The following STARD9 variants were observed in gnomAD, a reference collection of about 807,000 sequenced individuals.
The protein encoded by STARD9 is StAR related lipid transfer domain containing 9.
Under a neutral mutation model 399.8 loss-of-function variants are expected in STARD9, and 346 were observed. That is an observed-to-expected ratio of 0.87 (90% CI 0.79 to 0.95). The LOEUF (loss-of-function observed/expected upper bound fraction) is 0.95. STARD9 is among the 40% of genes least tolerant of loss of function. STARD9 has a pLI of 0.00. For synonymous variants in STARD9, 2,203 were observed against 2,143.5 expected, an observed-to-expected ratio of 1.03 and a Z score of -0.77; for missense variants, 5,832 against 5,667.5, an observed-to-expected ratio of 1.03 and a Z score of -0.93.
chr15:42,588,112 G>C (rs1034460934), intron 3 of STARD9, among the ~76,000 whole-genome samples: 1 of 152,130 alleles, frequency 6.6e-6, no homozygotes, highest in Non-Finnish European at 1.5e-5. Flanking sequence ...CATGGCATAC[G>C]TGTGGCTGTT....
chr15:42,716,303 C>A (rs1004823957), intron 26 of STARD9, among the ~76,000 whole-genome samples: 10 of 152,162 alleles, frequency 6.6e-5, no homozygotes, highest in African/African-American at 2.4e-4. Context: ...CCCCGTTAAA[C>A]CCCCTCTAGC....
In STARD9 at chr15:42,692,668, GTC is replaced by G; in HGVS notation, c.11095_11096del (p.Ser3699ProfsTer18). On this transcript the variant is annotated frameshift_variant, in exon 23 of 33. Transcript: ENST00000290607. LOFTEE classifies it high-confidence loss of function. ...CACAGTACCTCAGAGCTGCTTGGGA[GTC>G]TCTCCCAGCCAGATGTGGCCAGAAG... is the stretch of plus-strand genomic sequence containing the variant. The G allele has an allele frequency of 6.5e-7, 1 of 1,537,206 alleles. No individual in the cohort carries two copies. The highest frequency in any genetic ancestry group is 8.7e-7 in the Non-Finnish European group (1 of 1,146,926).
Position 42,692,141 on chromosome 15 carries a change from G to C in STARD9, c.10563G>C (p.Gln3521His). The stretch of plus-strand genomic sequence containing the variant: ...GCATGGACAATGGCCTAGAAGACCA[G>C]AACTCCCCTTTCCACTCCCACCTCA... Reference protein sequence around the residue: ...CSSMDNGLEDQNSPFHSHLST... With the variant: ...CSSMDNGLEDHNSPFHSHLST... The change falls in exon 23 of 33, where the codon CAG (glutamine) becomes CAC (histidine). Residue 3521 changes from glutamine to histidine, a missense_variant. Physicochemically the swap from Gln to His is conservative, Grantham distance 24. Transcript: ENST00000290607. The C allele has an allele frequency of 2.0e-6, 3 of 1,537,126 alleles. No individual in the cohort carries two copies. The highest frequency in any genetic ancestry group is 2.6e-6 in the Non-Finnish European group (3 of 1,146,884).
chr15:42,599,826 A>C (rs572350405), intron 3 of STARD9, among the ~76,000 whole-genome samples: 1 of 152,242 alleles, frequency 6.6e-6, no homozygotes, highest in Admixed American at 6.5e-5. Context: ...CTGCCCTCAA[A>C]AAGCTTACAG....
intron 9 of STARD9, among the ~76,000 whole-genome samples, chr15:42,653,654 A>G (rs2141999211): frequency 6.6e-6 from 1 of 152,214 alleles, no homozygotes; most frequent in South Asian, 2.1e-4. Context: ...ACATTCCCAG[A>G]TTGGAAAAAT....
chr15:42,607,651 T>TACACACACACACACACACACAC (rs10655556), intron 3 of STARD9, among the ~76,000 whole-genome samples: 1 of 143,668 alleles, frequency 7.0e-6, no homozygotes, highest in African/African-American at 2.6e-5. Flanking sequence ...CACACACTTA[T>TACACACACACACACACACACAC]ACACACACAC....
Position 42,687,833 on chromosome 15 carries a change from G to A in STARD9, c.6255G>A (p.Val2085=). The A allele has an allele frequency of 1.3e-6, 2 of 1,537,414 alleles. No homozygotes were observed. Among genetic ancestry groups the A allele is most frequent in the Non-Finnish European group, 1.7e-6 (2 of 1,146,982 alleles). ...SHTPGTDKEL[V]FQDQKEQEKT... ...CACCAGGAACCGATAAGGAGTTGGT[G>A]TTCCAGGACCAGAAGGAGCAGGAGA... is the stretch of plus-strand genomic sequence containing the variant. The change falls in exon 23 of 33, where the codon GTG becomes GTA. Residue 2085 remains valine, a synonymous_variant. Coordinates refer to ENST00000290607, the MANE Select transcript of STARD9 (RefSeq NM_020759.3).
intron 3 of STARD9, among the ~76,000 whole-genome samples, chr15:42,627,655 A>G (rs941044465): frequency 1.3e-5 from 2 of 152,132 alleles, no homozygotes; most frequent in Admixed American, 1.3e-4. Context: ...CATGAGTTCA[A>G]GTGTTTTAAT....
At chr15:42,617,778 G>A (rs551175198) in intron 3 of STARD9, among the ~76,000 whole-genome samples, 6 of 152,058 alleles carry the variant, frequency 3.9e-5, no homozygotes, top group African/African-American at 1.2e-4. Context: ...TCTAGAGACA[G>A]GGTCTTGCTC....
intron 3 of STARD9, among the ~76,000 whole-genome samples, chr15:42,595,025 C>T (rs962440923): frequency 6.6e-6 from 1 of 152,132 alleles, no homozygotes; most frequent in Non-Finnish European, 1.5e-5. Flanking sequence ...TCAGAAAGTA[C>T]GCAGGATGAG....
At chr15:42,638,376 G>A (rs191375699) in intron 6 of STARD9, among the ~76,000 whole-genome samples, 2 of 152,244 alleles carry the variant, frequency 1.3e-5, no homozygotes, top group Admixed American at 6.5e-5. Context: ...GAGCTCAACG[G>A]TCATGTTTGA....
chr15:42,635,057 T>C, intron 4 of STARD9, 85 bp downstream of exon 4: 1 of 632,924 alleles, frequency 1.6e-6, no homozygotes, highest in South Asian at 2.8e-5. Flanking sequence ...CAGAATATGA[T>C]TTCTGTAGGC....
Position 42,688,061 on chromosome 15 carries a change from T to A in STARD9, c.6483T>A (p.Ser2161Arg). 2.0e-6 allele frequency: 3 copies of A among 1,536,962 alleles called. No individual in the cohort carries two copies. Among genetic ancestry groups the A allele is most frequent in the South Asian group, 2.4e-5 (2 of 84,022 alleles). Residue 2161 changes from serine (S) to arginine (R), a missense_variant, in exon 23 of 33, where the codon AGT (serine) becomes AGA (arginine). Coordinates refer to ENST00000290607, the MANE Select transcript of STARD9 (RefSeq NM_020759.3). ...GGTCAAGGGAAGGTGTACGAGAGAG[T>A]GAACCTGTGAGAGAGCACACCCACC... is the stretch of plus-strand genomic sequence containing the variant. ...PFRSREGVRE[S>R]EPVREHTHPA...
At chr15:42,602,955 G>T (rs1410914531) in intron 3 of STARD9, among the ~76,000 whole-genome samples, 1 of 152,150 alleles carries the variant, frequency 6.6e-6, no homozygotes, top group Non-Finnish European at 1.5e-5. Flanking sequence ...TAGGTTCCCT[G>T]CCTCTAGACC....
chr15:42,610,305 T>C (rs2058822152), intron 3 of STARD9, among the ~76,000 whole-genome samples: 1 of 152,134 alleles, frequency 6.6e-6, no homozygotes, highest in Non-Finnish European at 1.5e-5. Context: ...AGTGGGTTAT[T>C]AGCAGAAATA....
At chr15:42,652,391 A>C (rs1230812579) in intron 8 of STARD9, 129 bp from the exon 9 acceptor site, 1 of 771,098 alleles carries the variant, frequency 1.3e-6, no homozygotes, top group Non-Finnish European at 2.2e-6. Context: ...ATACTGGACT[A>C]AATATGTGTG....
rs114539185 is a variant in STARD9 at position 42,621,954 on chromosome 15, T to G, written c.235-12902T>G. On this transcript the variant is annotated intron_variant, in intron 3 of 32. Coordinates refer to ENST00000290607, the MANE Select transcript of STARD9 (RefSeq NM_020759.3). ...ATTTGCATATACATTTTCATATATA[T>G]ACACATACATTTATCTATTTCTTTT... 8.5e-3 allele frequency among the ~76,000 whole-genome samples: 1,288 copies of G among 152,352 alleles called. 21 individuals are homozygous for G. The highest frequency in any genetic ancestry group is 0.03 in the African/African-American group (1,234 of 41,582).
chr15:42,717,853 T>G, intron 29 of STARD9, 58 bp downstream of exon 29: 1 of 1,517,140 alleles, frequency 6.6e-7, no homozygotes, highest in Non-Finnish European at 8.9e-7. Flanking sequence ...GTCACCCTGC[T>G]TGGCTTCTCT....
rs751785783 is a variant in STARD9, at chr15:42,663,381, T to C, written c.969T>C (p.Ser323=). 4 of 1,537,312 alleles carry C rather than the reference T, an allele frequency of 2.6e-6. No homozygotes were observed. In the East Asian group the frequency reaches 9.8e-5, roughly 38 times the overall value. The change falls in exon 12 of 33, where the codon AGT becomes AGC. Residue 323 remains serine, a synonymous_variant. Transcript: ENST00000290607. ...GILSSPSGTS[S]GGAPSRRQSY... ...TTAGCTCTCCTTCTGGGACCAGCAG[T>C]GGAGGGGCACCCTCCCGAAGGCAGT...
Sources: gnomAD v4.1 joint callset for allele counts (sites outside exome capture counted in the v4.1 genomes callset) on GRCh38, gnomAD v4.1.1 for gene constraint, MANE v1.5 for transcripts, NCBI Gene and HGNC (gene_info 2026-07-23, HGNC 2026-07-21) for gene names.